LRBA: variants seen among roughly 807,000 people sequenced by gnomAD.
LRBA encodes lipopolysaccharide-responsive and beige-like anchor protein.
In LRBA, 176 loss-of-function variants were observed where a neutral mutation model predicts 330.0. The ratio of observed to expected loss-of-function variants is 0.53; its 90% CI spans 0.47 to 0.60. LRBA has a LOEUF of 0.60. Ranked by LOEUF, LRBA falls within the 20% of genes least tolerant of loss-of-function variation. The pLI is 0.00. For synonymous variants in LRBA, 1,230 were observed against 1,193.0 expected, an observed-to-expected ratio of 1.03 and a Z score of -0.64; for missense variants, 3,259 against 3,444.8, an observed-to-expected ratio of 0.95 and a Z score of 1.35.
At chr4:150,716,865 G>A (rs985081122) in intron 36 of LRBA, among the ~76,000 whole-genome samples, 1 of 152,188 alleles carries the variant, frequency 6.6e-6, no homozygotes, top group African/African-American at 2.4e-5. Context: ...GGGACAGACT[G>A]TACTGGGTTA....
intron 40 of LRBA, among the ~76,000 whole-genome samples, chr4:150,546,456 A>G (rs1478266654): frequency 1.3e-5 from 2 of 152,180 alleles, no homozygotes; most frequent in South Asian, 2.1e-4. Context: ...ATTTACCATA[A>G]TACGGATTAA....
intron 42 of LRBA, among the ~76,000 whole-genome samples, chr4:150,472,410 C>CA (rs1197092129): frequency 1.3e-5 from 2 of 151,862 alleles, no homozygotes; most frequent in Admixed American, 6.6e-5. Context: ...CTTTCTACCA[C>CA]AAAAAACAAG....
rs10641158 is a variant in LRBA, at chr4:150,396,480, T to TCACACACACA, written c.7194+18948_7194+18957dup. ...GCCAATTCCCATAATAAATCTCATC[T>TCACACACACA]CACACACACACACACACACACACAC... On this transcript the variant is annotated intron_variant, in intron 47 of 56. Coordinates refer to ENST00000651943, the MANE Select transcript of LRBA (RefSeq NM_001364905.1). Among the ~76,000 whole-genome samples, 708 of 145,862 alleles carry TCACACACACA rather than the reference T, an allele frequency of 4.9e-3. 9 individuals carry two copies. Among genetic ancestry groups the TCACACACACA allele is most frequent in the East Asian group, 0.023 (111 of 4,930 alleles).
At chr4:150,655,715 A>G (rs1468055885) in intron 37 of LRBA, among the ~76,000 whole-genome samples, 1 of 152,222 alleles carries the variant, frequency 6.6e-6, no homozygotes, top group African/African-American at 2.4e-5. Flanking sequence ...AATGCTTATC[A>G]ATTTATTTCA....
chr4:150,620,626 TA>T (rs1776204206), intron 37 of LRBA, among the ~76,000 whole-genome samples: 2 of 152,112 alleles, frequency 1.3e-5, no homozygotes, highest in Non-Finnish European at 2.9e-5. Context: ...TACTCAGCCA[TA>T]AAAAAGAATG....
At chr4:150,873,470 A>G (rs1031655409) in intron 17 of LRBA, among the ~76,000 whole-genome samples, 1 of 152,026 alleles carries the variant, frequency 6.6e-6, no homozygotes, top group African/African-American at 2.4e-5. Flanking sequence ...ATGTGCCTCT[A>G]ATCCAGCTTC....
At chr4:150,675,834 T>C (rs1205654624) in intron 37 of LRBA, among the ~76,000 whole-genome samples, 2 of 152,186 alleles carry the variant, frequency 1.3e-5, no homozygotes, top group African/African-American at 4.8e-5. Context: ...ATTATTATAA[T>C]TATTTAAAAT....
intron 40 of LRBA, among the ~76,000 whole-genome samples, chr4:150,509,146 G>A (rs1047114993): frequency 1.3e-5 from 2 of 151,892 alleles, no homozygotes; most frequent in African/African-American, 4.8e-5. Context: ...ATATTAATTA[G>A]CCAGATTTTA....
intron 2 of LRBA, among the ~76,000 whole-genome samples, chr4:150,978,096 C>G (rs575702654): frequency 3.3e-5 from 5 of 152,366 alleles, no homozygotes; most frequent in African/African-American, 1.2e-4. Flanking sequence ...CAGTGCTGTG[C>G]TGGCTTCAGA....
intron 34 of LRBA, among the ~76,000 whole-genome samples, chr4:150,770,705 C>T (rs889777570): frequency 3.3e-5 from 5 of 151,704 alleles, no homozygotes; most frequent in Admixed American, 3.3e-4. Flanking sequence ...CTACAACTAC[C>T]TTTTTTCACT....
chr4:150,560,155 C>G (rs923783699), intron 40 of LRBA, among the ~76,000 whole-genome samples: 9 of 150,072 alleles, frequency 6.0e-5, no homozygotes, highest in Non-Finnish European at 1.2e-4. Context: ...ATAATGTGTA[C>G]AAATGGCTCA....
Position 150,415,423 on chromosome 4 carries a change from T to G in LRBA, c.7194+15A>C, listed in dbSNP as rs780393213. Reference sequence around the variant, plus strand: ...AAAAGCTCATGACAGACAGAGTAGATGATTATTATCTTACCAATCTGTTTA... The same window carrying G: ...AAAAGCTCATGACAGACAGAGTAGAGGATTATTATCTTACCAATCTGTTTA... On this transcript the variant is annotated intron_variant, in intron 47 of 56. Coordinates refer to ENST00000651943, the MANE Select transcript of LRBA (RefSeq NM_001364905.1). 1.2e-6 allele frequency: 2 copies of G among 1,610,960 alleles called. No individual in the cohort carries two copies. Among genetic ancestry groups the G allele is most frequent in the African/African-American group, 2.7e-5 (2 of 74,902 alleles).
chr4:150,378,543 T>C (rs759415661), intron 47 of LRBA, among the ~76,000 whole-genome samples: 1 of 152,176 alleles, frequency 6.6e-6, no homozygotes, highest in Non-Finnish European at 1.5e-5. Flanking sequence ...GAAGTCCAGA[T>C]ACTAAAAACA....
chr4:150,716,430 T>A (rs1182750888), intron 36 of LRBA, among the ~76,000 whole-genome samples: 2 of 152,168 alleles, frequency 1.3e-5, no homozygotes, highest in Admixed American at 6.6e-5. Flanking sequence ...AGGTATGACC[T>A]TTGCATTACC....
intron 2 of LRBA, among the ~76,000 whole-genome samples, chr4:150,950,476 T>C (rs1353573713): frequency 6.6e-6 from 1 of 152,072 alleles, no homozygotes; most frequent in Non-Finnish European, 1.5e-5. Context: ...TTTTTAAATT[T>C]GATAGTTCAT....
intron 48 of LRBA, among the ~76,000 whole-genome samples, chr4:150,335,654 A>C (rs1018852558): frequency 1.4e-4 from 22 of 151,852 alleles, no homozygotes; most frequent in African/African-American, 5.3e-4. Flanking sequence ...AAGACTTAAC[A>C]CAGGGCCTGG....
chr4:151,014,372 T>C, intron 2 of LRBA, 55 bp downstream of exon 2: 2 of 1,445,874 alleles, frequency 1.4e-6, no homozygotes, highest in African/African-American at 1.4e-5. Context: ...CTTTAAGATC[T>C]TGTTCCCCAA....
At chr4:150,773,594 T>C (rs1478834521) in intron 34 of LRBA, among the ~76,000 whole-genome samples, 1 of 152,256 alleles carries the variant, frequency 6.6e-6, no homozygotes, top group African/African-American at 2.4e-5. Context: ...AAATCCTTGA[T>C]GGAGGAAAAT....
At chr4:150,486,214 A>T (rs1392651346) in intron 42 of LRBA, among the ~76,000 whole-genome samples, 1 of 151,806 alleles carries the variant, frequency 6.6e-6, no homozygotes, top group East Asian at 1.9e-4. Flanking sequence ...TGTGTAATTT[A>T]TATTTGTGAA....
Sources: allele counts gnomAD v4.1 joint callset (sites outside exome capture counted in the v4.1 genomes callset), GRCh38; gene constraint gnomAD v4.1.1; transcripts MANE v1.5; gene names NCBI Gene and HGNC (gene_info 2026-07-23, HGNC 2026-07-21).